DYNC1H1: variants seen among roughly 807,000 people sequenced by gnomAD.
DYNC1H1 encodes dynein cytoplasmic 1 heavy chain 1.
A neutral mutation model predicts 527.1 loss-of-function variants in DYNC1H1; 51 were observed. The ratio of observed to expected loss-of-function variants is 0.10; its 90% CI spans 0.08 to 0.12. The LOEUF (loss-of-function observed/expected upper bound fraction) is 0.12, where lower values mean the gene tolerates loss of function less well. Among genes scored for constraint, DYNC1H1 ranks in the 10% least tolerant of loss-of-function variants. DYNC1H1 has a pLI of 1.00. For missense variants in DYNC1H1, 2,771 were observed against 5,971.8 expected (o/e 0.46, Z 17.66); for synonymous variants, 2,189 against 2,278.8 (o/e 0.96, Z 1.12).
chr14:101,974,650 T>G (rs2047779778), intron 1 of DYNC1H1, among the ~76,000 whole-genome samples: 1 of 152,224 alleles, frequency 6.6e-6, no homozygotes, highest in African/African-American at 2.4e-5. Context: ...GTTCACATGC[T>G]TCTTGAGGCT....
chr14:102,006,605 A>AT (rs553096325), intron 27 of DYNC1H1, among the ~76,000 whole-genome samples: 314 of 137,706 alleles, frequency 2.3e-3, no homozygotes, highest in Middle Eastern at 4.3e-3. Flanking sequence ...TACTACTTTG[A>AT]TTTTTTTTTT....
In DYNC1H1 at chr14:102,004,398, G is replaced by A. The variant is rs2048172627; in HGVS notation, c.4884-120G>A. On this transcript the variant is annotated intron_variant, in intron 23 of 77. Coordinates refer to ENST00000360184, the MANE Select transcript of DYNC1H1 (RefSeq NM_001376.5). ...AAATTCTGATGTGATCTGAATTTGG[G>A]CTGGAGATTGCCACCACCAGACACA... is the stretch of plus-strand genomic sequence containing the variant. The A allele has an allele frequency of 5.3e-6, 6 of 1,138,928 alleles. No homozygotes were observed. The South Asian group carries it at 6.5e-5, about 12-fold the overall frequency. 70.6% of individuals were successfully genotyped at this position (1,138,928 alleles called of 1,614,324 possible).
In DYNC1H1 at chr14:102,048,449, T is replaced by C. The variant is rs1555412608; in HGVS notation, c.13219-67T>C. 11 of 1,608,092 alleles carry C rather than the reference T, an allele frequency of 6.8e-6. No homozygotes were observed. The South Asian group carries it at 1.2e-4, about 18-fold the overall frequency. On this transcript the variant is annotated intron_variant, in intron 73 of 77. Transcript: ENST00000360184. ...CTCTCCCCGGAGGCCGAGTTACTTC[T>C]GTTTGACCTTTACACTGGAGAAAGG... is the stretch of plus-strand genomic sequence containing the variant.
At position 102,041,793 on chromosome 14, in the gene DYNC1H1, C is replaced by CA. The variant is rs2152596378; in HGVS notation, c.12102+60dup. 1 of 1,611,118 alleles carries CA rather than the reference C, an allele frequency of 6.2e-7. No individual in the cohort carries two copies. Among genetic ancestry groups the CA allele is most frequent in the Admixed American group, 1.7e-5 (1 of 59,950 alleles). On this transcript the variant is annotated intron_variant, in intron 65 of 77. Coordinates refer to ENST00000360184, the MANE Select transcript of DYNC1H1 (RefSeq NM_001376.5). The surrounding 1 kb of genome is among the most constrained non-coding windows in gnomAD (Gnocchi z 4.5). The stretch of plus-strand genomic sequence containing the variant: ...GACTCCATGCCCACCTCCCCAGCCA[C>CA]AGGTGGCAGCAGCCCTGGCATCTGC...
chr14:102,041,679 C>G lies in DYNC1H1; in HGVS notation c.12047C>G (p.Ser4016Cys), dbSNP rs370026529. 28 of 1,614,076 alleles carry G rather than the reference C, an allele frequency of 1.7e-5. No individual in the cohort carries two copies. The highest frequency in any genetic ancestry group is 2.3e-5 in the Non-Finnish European group (27 of 1,180,050). Residue 4016 changes from serine to cysteine, a missense_variant, in exon 65 of 78, where the codon TCT becomes TGT. Physicochemically the swap from Ser to Cys is moderately radical, Grantham distance 112 (BLOSUM62 -1). Coordinates refer to ENST00000360184, the MANE Select transcript of DYNC1H1 (RefSeq NM_001376.5). The surrounding 1 kb of genome is among the most constrained non-coding windows in gnomAD (Gnocchi z 4.5). Reference sequence around the variant, plus strand: ...TTTGTTTCAACAAACCTTGGGGAGTCTTTCATGTCCATCATGGAGCAGCCG... The same window carrying G: ...TTTGTTTCAACAAACCTTGGGGAGTGTTTCATGTCCATCATGGAGCAGCCG... Reference protein sequence around the residue: ...HMFVSTNLGESFMSIMEQPLD... With the variant: ...HMFVSTNLGECFMSIMEQPLD...
chr14:102,050,003 G>T, intron 76 of DYNC1H1, 68 bp from the exon 77 acceptor site: 3 of 1,614,052 alleles, frequency 1.9e-6, no homozygotes, highest in Non-Finnish European at 2.5e-6. Flanking sequence ...GCCTCTGGGC[G>T]CCCTGTGACT....
In DYNC1H1 at chr14:101,997,413, G is replaced by A; in HGVS notation, c.3804+139G>A. 1.4e-6 allele frequency: 2 copies of A among 1,462,252 alleles called. No homozygotes were observed. Among genetic ancestry groups the A allele is most frequent in the Non-Finnish European group, 1.8e-6 (2 of 1,081,558 alleles). 90.6% of individuals were successfully genotyped at this position (1,462,252 alleles called of 1,614,324 possible). On this transcript the variant is annotated intron_variant, in intron 16 of 77. Coordinates refer to ENST00000360184, the MANE Select transcript of DYNC1H1 (RefSeq NM_001376.5). This position sits in a 1 kb window ranked among gnomAD's most constrained non-coding sequence, Gnocchi z 4.8. ...TCTTTTCCTTTTTGTAGTTAAAAAA[G>A]CAGATGGAGATAGCAAATGTGAAAA...
At position 102,010,173 on chromosome 14, in the gene DYNC1H1, G is replaced by T; in HGVS notation, c.6221+87G>T. The T allele has an allele frequency of 6.2e-7, 1 of 1,611,760 alleles. No individual in the cohort carries two copies. Among genetic ancestry groups the T allele is most frequent in the Non-Finnish European group, 8.5e-7 (1 of 1,178,896 alleles). On this transcript the variant is annotated intron_variant, in intron 30 of 77. Transcript: ENST00000360184. The surrounding 1 kb of genome is among the most constrained non-coding windows in gnomAD (Gnocchi z 6.0). ...CCTTAAAATTTTTATATGTAATGAT[G>T]GTACGTCTTTCAAAATATCCATCTC...
At chr14:102,037,987 C>T (rs2048597901) in intron 57 of DYNC1H1, 2 of 303,446 alleles carry the variant, frequency 6.6e-6, no homozygotes, top group East Asian at 1.7e-4. Flanking sequence ...CTTCCCATGG[C>T]TAGTGTGACT....
At chr14:102,031,752 C>T (rs1279167383) in intron 51 of DYNC1H1, among the ~76,000 whole-genome samples, 1 of 152,076 alleles carries the variant, frequency 6.6e-6, no homozygotes, top group African/African-American at 2.4e-5. Context: ...GTCGGGAGTT[C>T]AAGACCAGCC....
In DYNC1H1 at chr14:102,001,363, T is replaced by C. The variant is rs531664263; in HGVS notation, c.4395+9T>C. 4.3e-6 allele frequency: 7 copies of C among 1,614,100 alleles called. 1 individual carries two copies. In the South Asian group the frequency reaches 6.6e-5, roughly 15 times the overall value. Reference sequence around the variant, plus strand: ...AAGAATTTTTGAAGCAGGCGAGTAATAGGACTGAACGGCTGCTTTACGTTG... The same window carrying C: ...AAGAATTTTTGAAGCAGGCGAGTAACAGGACTGAACGGCTGCTTTACGTTG... On this transcript the variant is annotated intron_variant, in intron 20 of 77. Coordinates refer to ENST00000360184, the MANE Select transcript of DYNC1H1 (RefSeq NM_001376.5). This position sits in a 1 kb window ranked among gnomAD's most constrained non-coding sequence, Gnocchi z 5.0.
Position 102,038,970 on chromosome 14 carries a change from T to C in DYNC1H1, c.11207-31T>C. On this transcript the variant is annotated intron_variant, in intron 59 of 77. Coordinates refer to ENST00000360184, the MANE Select transcript of DYNC1H1 (RefSeq NM_001376.5). The surrounding 1 kb of genome is among the most constrained non-coding windows in gnomAD (Gnocchi z 7.2). ...TGAGAGCATACCTTTTGAAGGATTA[T>C]TGCAAACTCTGGATGTTTTATTCAT... The C allele has an allele frequency of 6.2e-7, 1 of 1,614,000 alleles. No individual in the cohort carries two copies. The highest frequency in any genetic ancestry group is 8.5e-7 in the Non-Finnish European group (1 of 1,180,042).
At position 102,015,162 on chromosome 14, in the gene DYNC1H1, C is replaced by T. The variant is rs879254019; in HGVS notation, c.7072C>T (p.Arg2358Cys). 6.2e-7 allele frequency: 1 copy of T among 1,614,204 alleles called. No homozygotes were observed. Among genetic ancestry groups the T allele is most frequent in the Non-Finnish European group, 8.5e-7 (1 of 1,180,048 alleles). The stretch of plus-strand genomic sequence containing the variant: ...ATACGCGACCTTGGCCACAGTGTCG[C>T]GCTGCGGCATGGTCTGGTTCAGTGA... ...LKYATLATVS[R>C]CGMVWFSEDV... The change falls in exon 35 of 78, where the codon CGC becomes TGC. Residue 2358 changes from arginine to cysteine, a missense_variant. Around this residue, in one of 32 missense-constraint regions of DYNC1H1, gnomAD observed 56 missense variants for 183.8 expected, o/e 0.30. Coordinates refer to ENST00000360184, the MANE Select transcript of DYNC1H1 (RefSeq NM_001376.5). The surrounding 1 kb of genome is among the most constrained non-coding windows in gnomAD (Gnocchi z 6.9).
At chr14:102,040,784 G>T in intron 64 of DYNC1H1, 111 bp downstream of exon 64, 1 of 1,276,696 alleles carries the variant, frequency 7.8e-7, no homozygotes, top group Non-Finnish European at 1.1e-6. Context: ...ACATAGTAAG[G>T]CCCCATCTCT....
At chr14:101,987,765 C>T (rs751151007) in intron 9 of DYNC1H1, 133 bp downstream of exon 9, 11 of 1,075,832 alleles carry the variant, frequency 1.0e-5, no homozygotes, top group Non-Finnish European at 1.5e-5. Flanking sequence ...TCCAAAATCT[C>T]ATTTAACTAG....
chr14:101,970,390 G>A (rs760673077), intron 1 of DYNC1H1, among the ~76,000 whole-genome samples: 11 of 150,458 alleles, frequency 7.3e-5, no homozygotes, highest in African/African-American at 9.8e-5. Flanking sequence ...AAACTAAAGC[G>A]GGAAAAAAAG....
intron 51 of DYNC1H1, 46 bp from the exon 52 acceptor site, chr14:102,032,226 A>G (rs764537119): frequency 3.7e-6 from 6 of 1,611,028 alleles, no homozygotes; most frequent in Middle Eastern, 2.2e-4. Context: ...GCTTTGCTCT[A>G]TCTTCTCCCA....
At chr14:102,013,594 A>C (rs1288039404) in intron 34 of DYNC1H1, among the ~76,000 whole-genome samples, 2 of 152,112 alleles carry the variant, frequency 1.3e-5, no homozygotes, top group Non-Finnish European at 2.9e-5. Context: ...GTCAGGGCTG[A>C]GACTAGAGAG....
intron 48 of DYNC1H1, 84 bp downstream of exon 48, chr14:102,028,225 C>G: frequency 6.6e-7 from 1 of 1,515,056 alleles, no homozygotes; most frequent in Non-Finnish European, 9.1e-7. Flanking sequence ...AAAAATAGAC[C>G]TTAAGGCCAG....
Sources: allele counts gnomAD v4.1 joint callset (sites outside exome capture counted in the v4.1 genomes callset), GRCh38; gene constraint gnomAD v4.1.1; regional missense constraint gnomAD v4.1.1; non-coding constraint Gnocchi (gnomAD v3.1); transcripts MANE v1.5; gene names NCBI Gene and HGNC (gene_info 2026-07-23, HGNC 2026-07-21).